Variants in CLVS1 observed in about 807,000 individuals in gnomAD.
CLVS1 encodes the protein clavesin-1.
A neutral mutation model predicts 33.1 loss-of-function variants in CLVS1; 10 were observed. The ratio of observed to expected loss-of-function variants is 0.30; its 90% confidence interval spans 0.19 to 0.51. The LOEUF (loss-of-function observed/expected upper bound fraction) is 0.51, where lower values mean the gene tolerates loss of function less well. CLVS1 is among the 20% of genes least tolerant of loss of function. The probability of loss-of-function intolerance (pLI) is 0.97; values close to 1 mark genes in which losing one functional copy is unlikely to be tolerated. For synonymous variants in CLVS1, 163 were observed against 166.1 expected, an observed-to-expected ratio of 0.98 and a Z score of 0.14; for missense variants, 343 against 433.4, an observed-to-expected ratio of 0.79 and a Z score of 1.85.
chr8:61,300,178 C>T lies in CLVS1; in HGVS notation c.351C>T (p.Gly117=). The T allele has an allele frequency of 6.2e-7, 1 of 1,613,988 alleles. No individual in the cohort carries two copies. Among genetic ancestry groups the T allele is most frequent in the Non-Finnish European group, 8.5e-7 (1 of 1,179,954 alleles). Residue 117 remains glycine (G), a synonymous_variant, in exon 2 of 6, where the codon GGC becomes GGT. Coordinates refer to ENST00000325897, the MANE Select transcript of CLVS1 (RefSeq NM_173519.3). The stretch of plus-strand genomic sequence containing the variant: ...AAAACTTCAAGGCAGATGATCCCGG[C>T]ATTAAGAGGGCTCTGATCGATGGGT... ...MFKNFKADDP[G]IKRALIDGFP... is the part of the protein sequence containing the mutation.
At chr8:61,026,541 A>T in the CLVS1 span, among the ~76,000 whole-genome samples, 1 of 152,162 alleles carries the variant, frequency 6.6e-6, no homozygotes. Flanking sequence ...TGCTTTGGGA[A>T]TTCCTTGATG....
intron 3 of CLVS1, among the ~76,000 whole-genome samples, chr8:61,441,786 C>T (rs2129606184): frequency 6.6e-6 from 1 of 152,198 alleles, no homozygotes; most frequent in Non-Finnish European, 1.5e-5. Context: ...TGTATAGTGC[C>T]AGTGTGAAAA....
In CLVS1 at chr8:61,458,043, T is replaced by G. The variant is rs144418054; in HGVS notation, c.742-264T>G. Among the ~76,000 whole-genome samples, 111 of 152,374 alleles carry G rather than the reference T, an allele frequency of 7.3e-4. 1 individual carries two copies. The highest frequency in any genetic ancestry group is 2.7e-3 in the African/African-American group (111 of 41,604). ...AGCAGGGATAATTAGGAGATGACTG[T>G]ATGTGTAAATTTGGCCCACAGCCAA... On this transcript the variant is annotated intron_variant, in intron 4 of 5. Coordinates refer to ENST00000325897, the MANE Select transcript of CLVS1 (RefSeq NM_173519.3).
At chr8:61,252,278 G>C (rs2129591723) in intron 2 of CLVS1, among the ~76,000 whole-genome samples, 1 of 152,262 alleles carries the variant, frequency 6.6e-6, no homozygotes, top group Non-Finnish European at 1.5e-5. Context: ...TGTGGTCTGA[G>C]AGACTGTTTG....
rs1203685339 is a variant in CLVS1, at chr8:61,105,280, A to G, written c.-242-26490A>G. On this transcript the variant is annotated intron_variant, in intron 1 of 2. Coordinates refer to the CLVS1 transcript ENST00000522621. ...ATCACTTAGAAGTACATATAAAACT[A>G]TTGGTTATAGCTTACACACATACAC... 2.6e-5 allele frequency among the ~76,000 whole-genome samples: 4 copies of G among 152,236 alleles called. No individual in the cohort carries two copies. The East Asian group carries it at 7.7e-4, about 29-fold the overall frequency.
chr8:61,116,870 A>G lies in CLVS1; in HGVS notation c.-242-14900A>G, dbSNP rs1305223063. On this transcript the variant is annotated intron_variant, in intron 1 of 2. Coordinates refer to the CLVS1 transcript ENST00000522621. ...GCGATGCGGGCTCTTTTTTGGTTCC[A>G]TATGAACTTTAAAGTAGTTTTTTCC... Among the ~76,000 whole-genome samples the G allele has an allele frequency of 4.5e-4, 65 of 143,222 alleles. 1 individual carries two copies. In the South Asian group the frequency reaches 0.015, roughly 33 times the overall value. 94.0% of individuals were successfully genotyped at this position (143,222 alleles called of 152,430 possible).
chr8:61,305,456 C>T (rs1810588905), intron 2 of CLVS1, among the ~76,000 whole-genome samples: 1 of 152,156 alleles, frequency 6.6e-6, no homozygotes, highest in Non-Finnish European at 1.5e-5. Context: ...AATTATTTCA[C>T]GTAACATAAT....
chr8:61,215,921 A>G (rs576182437), intron 2 of CLVS1, among the ~76,000 whole-genome samples: 1 of 152,096 alleles, frequency 6.6e-6, no homozygotes, highest in Admixed American at 6.6e-5. Context: ...TGTTCAATCC[A>G]TTTCTTGGAT....
chr8:61,478,016 G>A (rs887415304), intron 5 of CLVS1, among the ~76,000 whole-genome samples: 3 of 152,154 alleles, frequency 2.0e-5, no homozygotes, highest in Admixed American at 6.5e-5. Context: ...GGTGTGTTAT[G>A]TCTTTGTTCT....
At chr8:61,238,689 A>T (rs1045822803) in intron 2 of CLVS1, among the ~76,000 whole-genome samples, 1 of 152,218 alleles carries the variant, frequency 6.6e-6, no homozygotes, top group South Asian at 2.1e-4. Context: ...TTTGAACAAA[A>T]TTTTTTTATA....
At chr8:61,102,130 G>C (rs902027782) in intron 1 of CLVS1, among the ~76,000 whole-genome samples, 1 of 152,136 alleles carries the variant, frequency 6.6e-6, no homozygotes, top group Non-Finnish European at 1.5e-5. Flanking sequence ...TTTCTTTAAA[G>C]AAGCCAGATG....
intron 2 of CLVS1, among the ~76,000 whole-genome samples, chr8:61,245,663 TTA>T (rs528949060): frequency 7.7e-4 from 117 of 151,672 alleles, no homozygotes; most frequent in Admixed American, 2.4e-3. Context: ...TCCTGTTTCA[TTA>T]TATATATGAA....
intron 1 of CLVS1, among the ~76,000 whole-genome samples, chr8:61,127,159 G>A (rs923106995): frequency 6.6e-6 from 1 of 151,910 alleles, no homozygotes; most frequent in African/African-American, 2.4e-5. Flanking sequence ...AACAAGATAT[G>A]GAATCAACTT....
chr8:61,310,590 A>C (rs1810797137), intron 2 of CLVS1, among the ~76,000 whole-genome samples: 1 of 152,250 alleles, frequency 6.6e-6, no homozygotes, highest in African/African-American at 2.4e-5. Flanking sequence ...AAAGGACCTC[A>C]TAGCCCAAAA....
At chr8:61,085,656 C>A (rs1208400024) in intron 1 of CLVS1, among the ~76,000 whole-genome samples, 1 of 149,840 alleles carries the variant, frequency 6.7e-6, no homozygotes, top group African/African-American at 2.5e-5. Context: ...TTTCGGAGGC[C>A]GAGGCAGGTG....
At chr8:61,357,073 G>C (rs6987161) in intron 2 of CLVS1, among the ~76,000 whole-genome samples, 1 of 151,832 alleles carries the variant, frequency 6.6e-6, no homozygotes, top group African/African-American at 2.4e-5. Flanking sequence ...ATTTGTTTGT[G>C]TCCTCTTTTA....
At chr8:61,122,287 G>A (rs1161990383) in intron 1 of CLVS1, among the ~76,000 whole-genome samples, 1 of 152,156 alleles carries the variant, frequency 6.6e-6, no homozygotes, top group Non-Finnish European at 1.5e-5. Flanking sequence ...AAACTTTTTG[G>A]ATGCAGGACC....
chr8:61,051,855 C>A, the CLVS1 span, among the ~76,000 whole-genome samples: 4 of 152,366 alleles, frequency 2.6e-5, no homozygotes, highest in East Asian at 7.7e-4. Flanking sequence ...CTGCTGGGCC[C>A]TGCCCAGCCA....
Position 61,499,809 on chromosome 8 carries a change from A to C in CLVS1, c.*267A>C. The C allele has an allele frequency of 3.8e-6, 1 of 265,780 alleles. No individual in the cohort carries two copies. The highest frequency in any genetic ancestry group is 7.2e-6 in the Non-Finnish European group (1 of 139,122). The allele number at this position is 265,780 out of a possible 1,614,324, so 16.5% of individuals were successfully genotyped here. A position where few individuals can be genotyped will look rare whatever the true frequency, so the allele number is the denominator to read the frequency against. On this transcript the variant is annotated 3_prime_UTR_variant, in exon 6 of 6. Transcript: ENST00000325897. ...TGTAAAAAAGATTCTCCCTCCTTTC[A>C]TATTTATTGTAGTAAATTGAAAAAA...
Sources: gnomAD v4.1 joint callset for allele counts (sites outside exome capture counted in the v4.1 genomes callset) on GRCh38, gnomAD v4.1.1 for gene constraint, MANE v1.5 for transcripts, NCBI Gene and HGNC (gene_info 2026-07-23, HGNC 2026-07-21) for gene names.